Variants in KLF3 observed in about 807,000 individuals in gnomAD.
KLF3 encodes the protein KLF transcription factor 3, also known as Krueppel-like factor 3.
In KLF3, 6 loss-of-function variants were observed where a neutral mutation model predicts 32.7. That is an observed-to-expected ratio of 0.18 (90% CI 0.10 to 0.36). The LOEUF (loss-of-function observed/expected upper bound fraction) is 0.36. Ranked by LOEUF, KLF3 falls within the 10% of genes least tolerant of loss-of-function variation. The probability of loss-of-function intolerance (pLI) is 1.00; values close to 1 mark genes in which losing one functional copy is unlikely to be tolerated. For synonymous variants in KLF3, 145 were observed against 172.8 expected (o/e 0.84, Z 1.26); for missense variants, 338 against 449.7 (o/e 0.75, Z 2.25).
At chr4:38,682,068 T>A (rs1722542635) in intron 2 of KLF3, among the ~76,000 whole-genome samples, 1 of 152,240 alleles carries the variant, frequency 6.6e-6, no homozygotes, top group African/African-American at 2.4e-5. Context: ...AAAAACTAAA[T>A]TACTTTTTGA....
chr4:38,678,688 A>G (rs1486626052), intron 1 of KLF3, among the ~76,000 whole-genome samples: 2 of 152,204 alleles, frequency 1.3e-5, no homozygotes, highest in African/African-American at 4.8e-5. Context: ...GAGCACCAAC[A>G]CAACAAATTA....
rs1722207436 is a variant in KLF3, at chr4:38,671,842, G to A, written c.-40+7381G>A. ...AACCTGTGACATCACTTAGCCCCTT[G>A]CCTTCCTTGATCCCTTTTCAAAAAC... On this transcript the variant is annotated intron_variant, in intron 1 of 5. Coordinates refer to ENST00000261438, the MANE Select transcript of KLF3 (RefSeq NM_016531.6). This position sits in a 1 kb window ranked among gnomAD's most constrained non-coding sequence, Gnocchi z 4.4. 6.6e-6 allele frequency among the ~76,000 whole-genome samples: 1 copy of A among 152,170 alleles called. No individual in the cohort carries two copies.
At chr4:38,675,689 T>C (rs1722325565) in intron 1 of KLF3, among the ~76,000 whole-genome samples, 1 of 152,240 alleles carries the variant, frequency 6.6e-6, no homozygotes, top group South Asian at 2.1e-4. Flanking sequence ...GCCGGTGTCC[T>C]GGTCTCTAAT....
chr4:38,676,769 T>G (rs1490176646), intron 1 of KLF3, among the ~76,000 whole-genome samples: 4 of 152,140 alleles, frequency 2.6e-5, no homozygotes, highest in Non-Finnish European at 4.4e-5. Flanking sequence ...ATTATTTAGT[T>G]AGGAATTTCA....
Position 38,664,475 on chromosome 4 carries a change from C to T in KLF3, c.-40+14C>T, listed in dbSNP as rs1437084883. 1.3e-5 allele frequency: 2 copies of T among 152,264 alleles called. No individual in the cohort carries two copies. Among genetic ancestry groups the T allele is most frequent in the Admixed American group, 6.5e-5 (1 of 15,284 alleles). The allele number at this position is 152,264 out of a possible 1,614,324, so 9.4% of individuals were successfully genotyped here. ...GCGCCTCGCAAAGTAAGTCCCGTCT[C>T]CCTCACCTCTGCTCCGCACCCTGGT... On this transcript the variant is annotated intron_variant, in intron 1 of 5. Transcript: ENST00000261438.
At chr4:38,680,462 C>T (rs1261462122) in intron 1 of KLF3, 125 bp from the exon 2 acceptor site, 1 of 525,388 alleles carries the variant, frequency 1.9e-6, no homozygotes, top group African/African-American at 1.9e-5. Flanking sequence ...GATCCGTCTG[C>T]CTCAGCCTCT....
At chr4:38,696,202 A>AC (rs1723041063) in intron 5 of KLF3, among the ~76,000 whole-genome samples, 1 of 151,796 alleles carries the variant, frequency 6.6e-6, no homozygotes, top group Non-Finnish European at 1.5e-5. Context: ...AAAAAAAAAA[A>AC]AAAAAACGCC....
chr4:38,690,015 C>A, intron 4 of KLF3, 136 bp downstream of exon 4: 1 of 729,592 alleles, frequency 1.4e-6, no homozygotes, highest in Non-Finnish European at 2.2e-6. Flanking sequence ...CGCCACTGGT[C>A]CAGTACCACT....
chr4:38,690,143 G>T, intron 4 of KLF3: 3 of 401,220 alleles, frequency 7.5e-6, no homozygotes, highest in East Asian at 8.7e-5. Flanking sequence ...CTTACCACAT[G>T]AATTATTTTT....
chr4:38,675,852 A>G (rs960044058), intron 1 of KLF3, among the ~76,000 whole-genome samples: 1 of 152,318 alleles, frequency 6.6e-6, no homozygotes, highest in Non-Finnish European at 1.5e-5. Context: ...AAGACTGCCA[A>G]GTTTAGGGAC....
At chr4:38,686,597 C>G (rs949473610) in intron 2 of KLF3, among the ~76,000 whole-genome samples, 21 of 152,044 alleles carry the variant, frequency 1.4e-4, no homozygotes, top group Non-Finnish European at 5.9e-5. Flanking sequence ...TCAAAATTTG[C>G]ATTTTAACGA....
intron 1 of KLF3, among the ~76,000 whole-genome samples, chr4:38,667,377 TCCCTGC>T (rs1461937899): frequency 6.6e-6 from 1 of 152,152 alleles, no homozygotes; most frequent in Non-Finnish European, 1.5e-5. Flanking sequence ...CAGGCTGAGG[TCCCTGC>T]CCCTAAACTC....
At chr4:38,675,044 A>T (rs903118876) in intron 1 of KLF3, among the ~76,000 whole-genome samples, 1 of 152,246 alleles carries the variant, frequency 6.6e-6, no homozygotes, top group Non-Finnish European at 1.5e-5. Context: ...ACACCACTGG[A>T]TAGGGCTCCA....
chr4:38,696,189 A>T (rs889570833), intron 5 of KLF3, among the ~76,000 whole-genome samples: 1 of 58,228 alleles, frequency 1.7e-5, no homozygotes. Context: ...GATGTAGGAA[A>T]AAAAAAAAAA....
intron 4 of KLF3, among the ~76,000 whole-genome samples, chr4:38,691,680 T>C (rs1239872236): frequency 1.3e-5 from 2 of 152,236 alleles, no homozygotes; most frequent in Non-Finnish European, 2.9e-5. Context: ...TTTTAATGAT[T>C]AATGAGTAAT....
chr4:38,683,180 TC>T (rs1181118054), intron 2 of KLF3, among the ~76,000 whole-genome samples: 2 of 152,226 alleles, frequency 1.3e-5, no homozygotes, highest in Non-Finnish European at 2.9e-5. Context: ...CTTTCGCTAT[TC>T]AAGTCAACGT....
rs1216658930 is a variant in KLF3, at chr4:38,699,775, C to T, written c.*2512C>T. ...GGCCATTCTCTATTCCCATGCTGGT[C>T]AATACGCTTTCATTACCAATTGGCC... On this transcript the variant is annotated 3_prime_UTR_variant, in exon 6 of 6. Transcript: ENST00000261438. 1.3e-5 allele frequency: 2 copies of T among 152,176 alleles called. No homozygotes were observed. Among genetic ancestry groups the T allele is most frequent in the African/African-American group, 4.8e-5 (2 of 41,420 alleles). 9.4% of individuals were successfully genotyped at this position (152,176 alleles called of 1,614,324 possible).
In KLF3 at chr4:38,688,317, C is replaced by T. The variant is rs77886212; in HGVS notation, c.58-268C>T. 0.16 allele frequency among the ~76,000 whole-genome samples: 23,649 copies of T among 152,130 alleles called. 1,895 individuals are homozygous for T. The highest frequency in any genetic ancestry group is 0.25 in the Admixed American group (3,816 of 15,302). The stretch of plus-strand genomic sequence containing the variant: ...CCTTAATGTTTGACACAGGAATCAT[C>T]TTAGGATTAAATTTCAGATTTTTCA... On this transcript the variant is annotated intron_variant, in intron 2 of 5. Coordinates refer to ENST00000261438, the MANE Select transcript of KLF3 (RefSeq NM_016531.6). This position sits in a 1 kb window ranked among gnomAD's most constrained non-coding sequence, Gnocchi z 4.9.
rs1723103620 is a variant in KLF3, at chr4:38,698,130, A to G, written c.*867A>G. 6.6e-6 allele frequency: 1 copy of G among 152,220 alleles called. No individual in the cohort carries two copies. The highest frequency in any genetic ancestry group is 1.5e-5 in the Non-Finnish European group (1 of 68,040). The allele number at this position is 152,220 out of a possible 1,614,324, so 9.4% of individuals were successfully genotyped here. A position where few individuals can be genotyped will look rare whatever the true frequency, so the allele number is the denominator to read the frequency against. On this transcript the variant is annotated 3_prime_UTR_variant, in exon 6 of 6. Coordinates refer to ENST00000261438, the MANE Select transcript of KLF3 (RefSeq NM_016531.6). ...TTGTAGAACCATGCTGCAAAGCCAT[A>G]TACCGATGGGGTTATCCATGCAACT... is the stretch of plus-strand genomic sequence containing the variant.
Sources: allele counts gnomAD v4.1 joint callset (sites outside exome capture counted in the v4.1 genomes callset), GRCh38; gene constraint gnomAD v4.1.1; non-coding constraint Gnocchi (gnomAD v3.1); transcripts MANE v1.5; gene names NCBI Gene and HGNC (gene_info 2026-07-23, HGNC 2026-07-21).